The following GPC6 variants were observed in gnomAD, a reference collection of about 807,000 sequenced individuals.
GPC6 encodes glypican 6.
In GPC6, 14 loss-of-function variants were observed where a neutral mutation model predicts 55.2. The observed-to-expected ratio is 0.25, with a 90% CI of 0.17 to 0.40. The LOEUF (loss-of-function observed/expected upper bound fraction) is 0.40, where lower values mean the gene tolerates loss of function less well. GPC6 is among the 10% of genes least tolerant of loss of function. The pLI is 1.00. For missense variants in GPC6, 641 were observed against 708.5 expected (o/e 0.90, Z 1.08); for synonymous variants, 278 against 259.6 (o/e 1.07, Z -0.68).
intron 1 of GPC6, among the ~76,000 whole-genome samples, chr13:93,337,052 C>A (rs1170583135): frequency 6.6e-6 from 1 of 152,170 alleles, no homozygotes; most frequent in Non-Finnish European, 1.5e-5. Context: ...CCAGTGTGGT[C>A]TCTGGAGCCA....
intron 4 of GPC6, among the ~76,000 whole-genome samples, chr13:94,264,419 T>C (rs995439696): frequency 3.3e-5 from 5 of 152,234 alleles, no homozygotes; most frequent in African/African-American, 1.2e-4. Flanking sequence ...GTTACCCTTC[T>C]TGTGAAACTT....
chr13:93,942,206 T>C (rs1274410631), intron 3 of GPC6, among the ~76,000 whole-genome samples: 1 of 152,238 alleles, frequency 6.6e-6, no homozygotes, highest in Non-Finnish European at 1.5e-5. Context: ...CATAACAGAT[T>C]ACTTTGAAAC....
chr13:94,063,320 A>C (rs972840629), intron 4 of GPC6, among the ~76,000 whole-genome samples: 1 of 152,210 alleles, frequency 6.6e-6, no homozygotes. Context: ...TTTGTGATCC[A>C]AACAGAGAAT....
At chr13:94,303,057 A>G (rs1296188328) in intron 5 of GPC6, among the ~76,000 whole-genome samples, 1 of 152,256 alleles carries the variant, frequency 6.6e-6, no homozygotes, top group Non-Finnish European at 1.5e-5. Context: ...GGTGGGAGTC[A>G]GCAGTGGGTC....
chr13:94,128,499 G>T (rs1350985827), intron 4 of GPC6, among the ~76,000 whole-genome samples: 7 of 152,134 alleles, frequency 4.6e-5, no homozygotes, highest in Non-Finnish European at 1.0e-4. Flanking sequence ...CGCTACACTT[G>T]TGTCCTCACT....
chr13:93,761,887 A>G (rs1286131659), intron 2 of GPC6, among the ~76,000 whole-genome samples: 1 of 152,042 alleles, frequency 6.6e-6, no homozygotes, highest in Non-Finnish European at 1.5e-5. Flanking sequence ...TTTAAAATCC[A>G]CTCTTTTAGC....
At chr13:93,489,576 C>T (rs1454411546) in intron 1 of GPC6, among the ~76,000 whole-genome samples, 4 of 150,228 alleles carry the variant, frequency 2.7e-5, no homozygotes, top group Non-Finnish European at 5.9e-5. Context: ...TGGCCATTTT[C>T]ACAATATTGA....
At chr13:93,309,880 G>A (rs780537296) in intron 1 of GPC6, among the ~76,000 whole-genome samples, 30 of 152,148 alleles carry the variant, frequency 2.0e-4, no homozygotes, top group Non-Finnish European at 4.1e-4. Flanking sequence ...GATACTTGTT[G>A]TACCTTCTAA....
chr13:93,440,441 C>T (rs1305241491), intron 1 of GPC6, among the ~76,000 whole-genome samples: 1 of 152,060 alleles, frequency 6.6e-6, no homozygotes, highest in African/African-American at 2.4e-5. Context: ...TCACAGTTTT[C>T]TTGCAGGAAA....
At chr13:94,386,359 C>CA (rs35238644) in intron 7 of GPC6, among the ~76,000 whole-genome samples, 16,639 of 118,286 alleles carry the variant, frequency 0.14, 1,222 homozygotes, top group African/African-American at 0.25. Flanking sequence ...GACTCTGTCT[C>CA]AAAAAAAAAA....
intron 3 of GPC6, among the ~76,000 whole-genome samples, chr13:93,873,437 A>T (rs1157502231): frequency 6.6e-6 from 1 of 151,870 alleles, no homozygotes; most frequent in Non-Finnish European, 1.5e-5. Flanking sequence ...CTTGTTCCAT[A>T]CATATAGAGC....
At chr13:94,269,751 C>A (rs1445469819) in intron 4 of GPC6, among the ~76,000 whole-genome samples, 6 of 152,180 alleles carry the variant, frequency 3.9e-5, no homozygotes. Context: ...TATCTGGACA[C>A]CTGCCCAATA....
At chr13:93,672,145 TG>T (rs1431957884) in intron 2 of GPC6, among the ~76,000 whole-genome samples, 1 of 91,626 alleles carries the variant, frequency 1.1e-5, no homozygotes, top group Non-Finnish European at 2.6e-5. Context: ...AATTAAGTTC[TG>T]GGTTTTTTTT....
intron 7 of GPC6, 33 bp from the exon 8 acceptor site, chr13:94,398,433 C>G (rs1477961700): frequency 6.5e-7 from 1 of 1,532,628 alleles, no homozygotes. Flanking sequence ...TGTGGCATCT[C>G]CCTGAGGTGT....
chr13:94,257,999 A>G (rs1891553895), intron 4 of GPC6, among the ~76,000 whole-genome samples: 2 of 152,248 alleles, frequency 1.3e-5, no homozygotes. Context: ...TAGTTGGGTT[A>G]TTGCAAAGAA....
At chr13:94,137,894 G>T (rs933285535) in intron 4 of GPC6, among the ~76,000 whole-genome samples, 2 of 152,160 alleles carry the variant, frequency 1.3e-5, no homozygotes, top group Admixed American at 6.5e-5. Flanking sequence ...CTTAGGATAG[G>T]CTAGAAATTG....
intron 1 of GPC6, among the ~76,000 whole-genome samples, chr13:93,253,609 G>A (rs1290481519): frequency 1.3e-5 from 2 of 152,180 alleles, no homozygotes; most frequent in East Asian, 3.9e-4. Flanking sequence ...GGAGGTGGGG[G>A]ATGAGAAGAA....
At chr13:93,231,366 TATATATATATATAC>T (rs1323941469) in intron 1 of GPC6, among the ~76,000 whole-genome samples, 7 of 17,204 alleles carry the variant, frequency 4.1e-4, no homozygotes, top group African/African-American at 6.5e-4. Context: ...TATACGTATA[TATATATATATATAC>T]ATATATATAT....
intron 4 of GPC6, among the ~76,000 whole-genome samples, chr13:94,115,476 C>G (rs1886403488): frequency 1.3e-5 from 2 of 152,084 alleles, no homozygotes; most frequent in Admixed American, 1.3e-4. Flanking sequence ...TTCATTCAAC[C>G]TGATTTCTCT....
Sources: gnomAD v4.1 joint callset for allele counts (sites outside exome capture counted in the v4.1 genomes callset) on GRCh38, gnomAD v4.1.1 for gene constraint, MANE v1.5 for transcripts, NCBI Gene and HGNC (gene_info 2026-07-23, HGNC 2026-07-21) for gene names.